ANKIB1: variants seen among roughly 807,000 people sequenced by gnomAD.
The protein encoded by ANKIB1 is ankyrin repeat and IBR domain-containing protein 1.
ANKIB1 carries 43 observed loss-of-function variants against 122.1 expected under a neutral mutation model. The ratio of observed to expected loss-of-function variants is 0.35; its 90% CI spans 0.28 to 0.45. The LOEUF (loss-of-function observed/expected upper bound fraction) is 0.45, where lower values mean the gene tolerates loss of function less well. ANKIB1 is among the 20% of genes least tolerant of loss of function. The pLI is 1.00. For synonymous variants in ANKIB1, 390 were observed against 442.0 expected (o/e 0.88, Z 1.48); for missense variants, 992 against 1,329.5 (o/e 0.75, Z 3.95).
chr7:92,269,446 T>C (rs1801738111), intron 1 of ANKIB1, among the ~76,000 whole-genome samples: 1 of 152,246 alleles, frequency 6.6e-6, no homozygotes, highest in South Asian at 2.1e-4. Flanking sequence ...TAGGAAAGTG[T>C]CTTTGTGTTA....
Position 92,398,665 on chromosome 7 carries a change from A to G in ANKIB1, c.2986A>G (p.Ser996Gly), listed in dbSNP as rs1804952762. 3 of 1,613,972 alleles carry G rather than the reference A, an allele frequency of 1.9e-6. No individual in the cohort carries two copies. Among genetic ancestry groups the G allele is most frequent in the Non-Finnish European group, 1.7e-6 (2 of 1,179,864 alleles). Residue 996 changes from serine (S) to glycine (G), a missense_variant, in exon 20 of 20, where the codon AGT (serine) becomes GGT (glycine). Physicochemically the swap from Ser to Gly is moderately conservative, Grantham distance 56. Around this residue, in one of 4 missense-constraint regions of ANKIB1, gnomAD observed 384 missense variants for 412.0 expected, o/e 0.93. Transcript: ENST00000265742. Reference protein sequence around the residue: ...ALIPPATTEISADSQLPCIKD... With the variant: ...ALIPPATTEIGADSQLPCIKD... ...GATTCCTCCAGCAACTACAGAAATC[A>G]GTGCAGATTCCCAGCTCCCCTGTAT...
chr7:92,255,136 C>A (rs1348263646), intron 1 of ANKIB1, among the ~76,000 whole-genome samples: 1 of 152,086 alleles, frequency 6.6e-6, no homozygotes, highest in African/African-American at 2.4e-5. Context: ...CTTTTTCTTC[C>A]CTGTCTTGGG....
At position 92,263,314 on chromosome 7, in the gene ANKIB1, G is replaced by C. The variant is rs566040742; in HGVS notation, c.-91+16795G>C. 1.1e-4 allele frequency among the ~76,000 whole-genome samples: 16 copies of C among 152,256 alleles called. No homozygotes were observed. The South Asian group carries it at 3.3e-3, about 32-fold the overall frequency. The stretch of plus-strand genomic sequence containing the variant: ...ATGTTAATCCATTGGTTAACATTTT[G>C]TCCTGTTTTTGTGTTTACACAGTAC... On this transcript the variant is annotated intron_variant, in intron 1 of 19. Coordinates refer to ENST00000265742, the MANE Select transcript of ANKIB1 (RefSeq NM_019004.2).
In ANKIB1 at chr7:92,398,851, A is replaced by G. The variant is rs769507956; in HGVS notation, c.3172A>G (p.Ser1058Gly). Reference sequence around the variant, plus strand: ...GGAAGCAGCATCTCAAGCTGGTGACAGTGGTAACGAGGCAGCCAACAGAGG... The same window carrying G: ...GGAAGCAGCATCTCAAGCTGGTGACGGTGGTAACGAGGCAGCCAACAGAGG... ...AGEAASQAGDSGNEAANRGDG... is the reference protein window; with the variant it reads ...AGEAASQAGDGGNEAANRGDG... The change falls in exon 20 of 20, where the codon AGT (serine) becomes GGT (glycine). Residue 1058 changes from serine (S) to glycine (G), a missense_variant. Coordinates refer to ENST00000265742, the MANE Select transcript of ANKIB1 (RefSeq NM_019004.2). The G allele has an allele frequency of 2.7e-5, 44 of 1,604,654 alleles. No individual in the cohort carries two copies. Among genetic ancestry groups the G allele is most frequent in the Non-Finnish European group, 1.8e-5 (21 of 1,175,420 alleles).
chr7:92,309,943 ATAT>A (rs1178082616), intron 3 of ANKIB1, among the ~76,000 whole-genome samples: 1 of 102,550 alleles, frequency 9.8e-6, no homozygotes, highest in African/African-American at 3.8e-5. Flanking sequence ...AAAAAAAAAA[ATAT>A]ATATATATAT....
intron 11 of ANKIB1, among the ~76,000 whole-genome samples, chr7:92,378,381 A>C (rs1292619885): frequency 6.6e-6 from 1 of 151,634 alleles, no homozygotes; most frequent in Non-Finnish European, 1.5e-5. Context: ...CTATATAAGA[A>C]TGGTTCAGTA....
Position 92,276,729 on chromosome 7 carries a change from G to A in ANKIB1, c.-90-18160G>A, listed in dbSNP as rs190879563. Among the ~76,000 whole-genome samples the A allele has an allele frequency of 3.4e-4, 52 of 152,214 alleles. No homozygotes were observed. The East Asian group carries it at 9.5e-3, about 28-fold the overall frequency. On this transcript the variant is annotated intron_variant, in intron 1 of 19. Transcript: ENST00000265742. Reference sequence around the variant, plus strand: ...TTTTATCTGGCCTGAAGATAAATTTGGACAGCACATATCTGGTTAAGTTGA... The same window carrying A: ...TTTTATCTGGCCTGAAGATAAATTTAGACAGCACATATCTGGTTAAGTTGA...
chr7:92,396,448 C>A lies in ANKIB1; in HGVS notation c.2367C>A (p.Asp789Glu). ...DVHSLLSNPP[D>E]PDEPSESTLD... Reference sequence around the variant, plus strand: ...ACAGTCTACTCAGTAATCCTCCAGACCCTGATGAGCCAAGTGAAAGCACTT... The same window carrying A: ...ACAGTCTACTCAGTAATCCTCCAGAACCTGATGAGCCAAGTGAAAGCACTT... Residue 789 changes from aspartate to glutamate, a missense_variant, in exon 18 of 20, where the codon GAC (aspartate) becomes GAA (glutamate). Transcript: ENST00000265742. 1 of 1,588,942 alleles carries A rather than the reference C, an allele frequency of 6.3e-7. No individual in the cohort carries two copies. The highest frequency in any genetic ancestry group is 1.7e-4 in the Middle Eastern group (1 of 6,006).
chr7:92,294,167 C>T (rs531141555), intron 1 of ANKIB1, among the ~76,000 whole-genome samples: 2 of 152,316 alleles, frequency 1.3e-5, no homozygotes, highest in South Asian at 4.1e-4. Context: ...TTAGCAATCA[C>T]ATTGCCCATG....
chr7:92,275,611 C>T (rs1293095797), intron 1 of ANKIB1, among the ~76,000 whole-genome samples: 1 of 152,056 alleles, frequency 6.6e-6, no homozygotes, highest in African/African-American at 2.4e-5. Context: ...GTGTATTAAC[C>T]TGGAAAAACT....
At chr7:92,276,486 T>C (rs1043488705) in intron 1 of ANKIB1, among the ~76,000 whole-genome samples, 3 of 152,244 alleles carry the variant, frequency 2.0e-5, no homozygotes, top group Non-Finnish European at 4.4e-5. Flanking sequence ...CATGGGCCAG[T>C]CTTGCAAGGA....
intron 11 of ANKIB1, among the ~76,000 whole-genome samples, chr7:92,373,542 C>A (rs2115648262): frequency 6.6e-6 from 1 of 152,234 alleles, no homozygotes; most frequent in African/African-American, 2.4e-5. Context: ...ATTTATTATA[C>A]CATCTGAAGT....
At chr7:92,299,656 G>A (rs1437301602) in intron 2 of ANKIB1, among the ~76,000 whole-genome samples, 3 of 152,024 alleles carry the variant, frequency 2.0e-5, no homozygotes, top group Non-Finnish European at 2.9e-5. Context: ...GACATTAAAA[G>A]AGATTTGTAA....
At position 92,362,582 on chromosome 7, in the gene ANKIB1, C is replaced by T. The variant is rs558868163; in HGVS notation, c.1486+309C>T. 2.6e-5 allele frequency among the ~76,000 whole-genome samples: 4 copies of T among 152,218 alleles called. No individual in the cohort carries two copies. In the East Asian group the frequency reaches 7.7e-4, roughly 29 times the overall value. On this transcript the variant is annotated intron_variant, in intron 10 of 19. Transcript: ENST00000265742. ...TTTCTTTTATCCTAGGGTGAGCCAA[C>T]CAATTGTTCTGTACTTTGTGGAAGT... is the stretch of plus-strand genomic sequence containing the variant.
intron 11 of ANKIB1, among the ~76,000 whole-genome samples, chr7:92,374,294 T>TA (rs1346076852): frequency 6.6e-6 from 1 of 151,980 alleles, no homozygotes; most frequent in Non-Finnish European, 1.5e-5. Flanking sequence ...CTGGCCAACA[T>TA]AGTGAAGCCT....
intron 2 of ANKIB1, among the ~76,000 whole-genome samples, chr7:92,306,027 C>T (rs569266665): frequency 6.9e-6 from 1 of 145,152 alleles, no homozygotes; most frequent in East Asian, 2.1e-4. Context: ...TCCCACCCAC[C>T]ACCCCGCCCC....
At chr7:92,254,136 G>A (rs1801387907) in intron 1 of ANKIB1, among the ~76,000 whole-genome samples, 1 of 152,174 alleles carries the variant, frequency 6.6e-6, no homozygotes, top group Non-Finnish European at 1.5e-5. Context: ...GGTTTATCTA[G>A]GACCTAGTAG....
At chr7:92,348,072 G>A (rs1803578785) in intron 7 of ANKIB1, 2 of 380,398 alleles carry the variant, frequency 5.3e-6, no homozygotes, top group Non-Finnish European at 1.0e-5. Context: ...TCCATGTTCT[G>A]CTCATAAATT....
At chr7:92,318,843 C>G (rs1802847252) in intron 3 of ANKIB1, among the ~76,000 whole-genome samples, 1 of 152,208 alleles carries the variant, frequency 6.6e-6, no homozygotes. Context: ...CAGTGACTTG[C>G]TCATCCTAAT....
Sources: allele counts gnomAD v4.1 joint callset (sites outside exome capture counted in the v4.1 genomes callset), GRCh38; gene constraint gnomAD v4.1.1; regional missense constraint gnomAD v4.1.1; transcripts MANE v1.5; gene names NCBI Gene and HGNC (gene_info 2026-07-23, HGNC 2026-07-21).